CCDC150: variants seen among roughly 807,000 people sequenced by gnomAD.
CCDC150 encodes coiled-coil domain containing 150, also known as coiled-coil domain-containing protein 150.
A neutral mutation model predicts 156.5 loss-of-function variants in CCDC150; 151 were observed. The observed-to-expected ratio is 0.97, with a 90% confidence interval of 0.85 to 1.10. The LOEUF is 1.10. Among genes scored for constraint, CCDC150 ranks in the 50% least tolerant of loss-of-function variants. CCDC150 has a pLI of 0.00. For missense variants in CCDC150, 1,312 were observed against 1,268.1 expected, an observed-to-expected ratio of 1.03 and a Z score of -0.53; for synonymous variants, 452 against 429.4, an observed-to-expected ratio of 1.05 and a Z score of -0.65.
intron 25 of CCDC150, among the ~76,000 whole-genome samples, chr2:196,730,443 C>A (rs1458302312): frequency 6.6e-6 from 1 of 152,162 alleles, no homozygotes; most frequent in African/African-American, 2.4e-5. Context: ...CACCTCGTTT[C>A]TTCTAGCACA....
intron 13 of CCDC150, among the ~76,000 whole-genome samples, chr2:196,690,032 A>G (rs1695356887): frequency 6.6e-6 from 1 of 152,206 alleles, no homozygotes; most frequent in Non-Finnish European, 1.5e-5. Context: ...GGTTCTGTTT[A>G]TACTATGCAG....
intron 1 of CCDC150, among the ~76,000 whole-genome samples, chr2:196,641,519 C>A (rs1205202170): frequency 1.3e-5 from 2 of 152,160 alleles, no homozygotes; most frequent in African/African-American, 4.8e-5. Flanking sequence ...AAAATCTGCC[C>A]TGTAGCCTCC....
intron 15 of CCDC150, among the ~76,000 whole-genome samples, chr2:196,710,211 C>A (rs1697003431): frequency 6.6e-6 from 1 of 152,240 alleles, no homozygotes; most frequent in Non-Finnish European, 1.5e-5. Flanking sequence ...ACTCAAGCCT[C>A]AGCAATGGCG....
chr2:196,725,306 T>A (rs1429553939), intron 21 of CCDC150, among the ~76,000 whole-genome samples: 1 of 152,164 alleles, frequency 6.6e-6, no homozygotes, highest in East Asian at 1.9e-4. Flanking sequence ...TTAAATCCGT[T>A]TAGTCCTTTT....
intron 13 of CCDC150, chr2:196,686,219 C>T: frequency 3.4e-6 from 1 of 295,094 alleles, no homozygotes; most frequent in Non-Finnish European, 6.6e-6. Context: ...ATTCAAAACC[C>T]AGGAAAGACT....
At chr2:196,732,259 AG>A (rs1698561567) in intron 27 of CCDC150, 107 bp downstream of exon 27, 1 of 1,354,702 alleles carries the variant, frequency 7.4e-7, no homozygotes, top group Admixed American at 2.1e-5. Flanking sequence ...TTTAATCTTT[AG>A]TTTCTTTAGA....
At chr2:196,723,539 G>A (rs1698045107) in intron 21 of CCDC150, among the ~76,000 whole-genome samples, 1 of 152,106 alleles carries the variant, frequency 6.6e-6, no homozygotes, top group Admixed American at 6.6e-5. Context: ...CTTTGGTGTG[G>A]GTTAGACTGC....
chr2:196,715,227 A>G (rs1194212105), intron 17 of CCDC150, among the ~76,000 whole-genome samples: 1 of 152,210 alleles, frequency 6.6e-6, no homozygotes, highest in Non-Finnish European at 1.5e-5. Context: ...GCTGGCTAAT[A>G]GCAACAGAGG....
intron 2 of CCDC150, among the ~76,000 whole-genome samples, chr2:196,654,936 A>G (rs1693101007): frequency 6.6e-6 from 1 of 152,162 alleles, no homozygotes; most frequent in South Asian, 2.1e-4. Context: ...GTACAATCTG[A>G]TATCTCTGTT....
chr2:196,714,947 G>C (rs1238708558), intron 17 of CCDC150, among the ~76,000 whole-genome samples: 2 of 152,094 alleles, frequency 1.3e-5, no homozygotes, highest in Non-Finnish European at 2.9e-5. Flanking sequence ...CTTTTCTGTA[G>C]AAAAAGTTAA....
Position 196,665,594 on chromosome 2 carries a change from TA to T in CCDC150, c.674del (p.Tyr225SerfsTer6). ...AAGGAGACAACTGGCTCAGGAGAAG[TA>T]CCTTAGGGAATCTTTAGAGAAATCA... ...ELRRQLAQEKYLRESLEKSAS... is the reference protein window; with the variant it reads ...ELRRQLAQEKXLRESLEKSAS... On this transcript the variant is annotated frameshift_variant, in exon 6 of 28. Coordinates refer to ENST00000389175, the MANE Select transcript of CCDC150 (RefSeq NM_001080539.2). LOFTEE classifies it high-confidence loss of function. 2 of 1,603,996 alleles carry T rather than the reference TA, an allele frequency of 1.2e-6. No individual in the cohort carries two copies. Among genetic ancestry groups the T allele is most frequent in the Non-Finnish European group, 1.7e-6 (2 of 1,175,388 alleles).
intron 13 of CCDC150, among the ~76,000 whole-genome samples, chr2:196,687,822 G>T (rs1695206784): frequency 6.6e-6 from 1 of 152,166 alleles, no homozygotes; most frequent in Non-Finnish European, 1.5e-5. Flanking sequence ...CATATAGCTA[G>T]CCAGTTATCC....
intron 5 of CCDC150, among the ~76,000 whole-genome samples, chr2:196,661,682 A>G (rs915747889): frequency 2.0e-5 from 3 of 152,206 alleles, no homozygotes; most frequent in South Asian, 2.1e-4. Flanking sequence ...TAATAAATAT[A>G]TATAAAATAG....
At position 196,666,857 on chromosome 2, in the gene CCDC150, A is replaced by G. The variant is rs368955027; in HGVS notation, c.892+9A>G. 9.3e-6 allele frequency: 15 copies of G among 1,613,380 alleles called. No individual in the cohort carries two copies. The African/African-American group carries it at 1.6e-4, about 17-fold the overall frequency. ...GCTCAAATCTGATCTAAGTATGAAA[A>G]TAGATGCTAGAAATCACCCTCTTGT... On this transcript the variant is annotated intron_variant, in intron 7 of 27. Coordinates refer to ENST00000389175, the MANE Select transcript of CCDC150 (RefSeq NM_001080539.2).
chr2:196,670,703 A>G (rs1253924906), intron 8 of CCDC150, among the ~76,000 whole-genome samples: 1 of 152,146 alleles, frequency 6.6e-6, no homozygotes, highest in Non-Finnish European at 1.5e-5. Flanking sequence ...ATAGGAAAAA[A>G]TGTGTATGTA....
chr2:196,643,186 G>C (rs1313832914), intron 1 of CCDC150, among the ~76,000 whole-genome samples: 1 of 152,212 alleles, frequency 6.6e-6, no homozygotes, highest in East Asian at 1.9e-4. Flanking sequence ...TCACTCAAAA[G>C]CTTTGTGCCC....
intron 7 of CCDC150, 57 bp from the exon 8 acceptor site, chr2:196,669,776 G>A: frequency 8.6e-7 from 1 of 1,157,414 alleles, no homozygotes; most frequent in Non-Finnish European, 1.3e-6. Flanking sequence ...TTCTCACTAT[G>A]TGATTTTAAT....
chr2:196,680,383 A>AC (rs935083972), intron 13 of CCDC150, among the ~76,000 whole-genome samples: 10 of 151,402 alleles, frequency 6.6e-5, no homozygotes, highest in African/African-American at 1.7e-4. Flanking sequence ...TGCAGCCTCC[A>AC]CCCCCCCAGG....
chr2:196,689,231 C>CG (rs1695295446), intron 13 of CCDC150, among the ~76,000 whole-genome samples: 1 of 152,008 alleles, frequency 6.6e-6, no homozygotes, highest in South Asian at 2.1e-4. Context: ...GATGTGGGCT[C>CG]TTTTTTGGTT....
Sources: allele counts gnomAD v4.1 joint callset (sites outside exome capture counted in the v4.1 genomes callset), GRCh38; gene constraint gnomAD v4.1.1; transcripts MANE v1.5; gene names NCBI Gene and HGNC (gene_info 2026-07-23, HGNC 2026-07-21).